The following PTCHD4 variants were observed in gnomAD, a reference collection of about 807,000 sequenced individuals.
The protein encoded by PTCHD4 is patched domain containing 4.
Under a neutral mutation model 58.1 loss-of-function variants are expected in PTCHD4, and 33 were observed. The ratio of observed to expected loss-of-function variants is 0.57; its 90% CI spans 0.43 to 0.76. PTCHD4 has a LOEUF of 0.76. Ranked by LOEUF, PTCHD4 falls within the 30% of genes least tolerant of loss-of-function variation. The pLI is 0.00. For missense variants in PTCHD4, 1,058 were observed against 1,027.1 expected, an observed-to-expected ratio of 1.03 and a Z score of -0.41; for synonymous variants, 478 against 409.6, an observed-to-expected ratio of 1.17 and a Z score of -2.02.
At chr6:48,098,897 A>T (rs1765535402) in intron 1 of PTCHD4, among the ~76,000 whole-genome samples, 1 of 152,194 alleles carries the variant, frequency 6.6e-6, no homozygotes, top group Admixed American at 6.5e-5. Flanking sequence ...TATACCAAAA[A>T]AGGGGCCATT....
chr6:48,040,208 C>T (rs1413976554), intron 3 of PTCHD4, among the ~76,000 whole-genome samples: 1 of 152,108 alleles, frequency 6.6e-6, no homozygotes, highest in Non-Finnish European at 1.5e-5. Flanking sequence ...GTTGGTCTAT[C>T]AATCCAAGGA....
intron 3 of PTCHD4, among the ~76,000 whole-genome samples, chr6:48,060,461 T>G (rs756781260): frequency 2.0e-5 from 3 of 152,300 alleles, no homozygotes; most frequent in East Asian, 3.9e-4. Flanking sequence ...CCAGAACCTA[T>G]GCTCTGTCTT....
At chr6:48,028,155 C>A (rs1210036031) in intron 3 of PTCHD4, among the ~76,000 whole-genome samples, 2 of 151,978 alleles carry the variant, frequency 1.3e-5, no homozygotes, top group Non-Finnish European at 2.9e-5. Context: ...GTTGGCCAGC[C>A]TGGTCTCGAA....
intron 1 of PTCHD4, among the ~76,000 whole-genome samples, chr6:48,097,085 C>A (rs184906694): frequency 3.3e-5 from 5 of 152,016 alleles, no homozygotes; most frequent in African/African-American, 1.2e-4. Context: ...TTAATATTAA[C>A]GTATTACCAT....
At chr6:47,892,105 A>G (rs186302151) in intron 4 of PTCHD4, among the ~76,000 whole-genome samples, 15 of 152,304 alleles carry the variant, frequency 9.8e-5, no homozygotes, top group Admixed American at 2.6e-4. Context: ...AGATGATAAC[A>G]TGAATATTAA....
intron 4 of PTCHD4, among the ~76,000 whole-genome samples, chr6:47,894,230 T>C (rs1290511516): frequency 6.6e-6 from 1 of 152,266 alleles, no homozygotes; most frequent in Non-Finnish European, 1.5e-5. Context: ...CACAGTTTGC[T>C]GCAATCAGTC....
chr6:47,903,553 G>A (rs778653292), intron 4 of PTCHD4, among the ~76,000 whole-genome samples: 19 of 152,098 alleles, frequency 1.2e-4, no homozygotes, highest in Admixed American at 7.2e-4. Flanking sequence ...GGGCCCAAGC[G>A]ATCTGGCTGC....
At chr6:48,034,099 T>C (rs899806386) in intron 3 of PTCHD4, among the ~76,000 whole-genome samples, 2 of 152,018 alleles carry the variant, frequency 1.3e-5, no homozygotes, top group African/African-American at 4.8e-5. Flanking sequence ...AAGGATCCCT[T>C]AAAGAATTAT....
chr6:48,005,088 G>A (rs1762384205), intron 4 of PTCHD4, among the ~76,000 whole-genome samples: 1 of 152,012 alleles, frequency 6.6e-6, no homozygotes, highest in South Asian at 2.1e-4. Context: ...ATTGTCACTG[G>A]CTTAAAAAAT....
chr6:48,048,575 C>T (rs990244991), intron 3 of PTCHD4, among the ~76,000 whole-genome samples: 3 of 151,838 alleles, frequency 2.0e-5, no homozygotes, highest in Non-Finnish European at 2.9e-5. Context: ...TGGAGGATGG[C>T]CTCTGTGATT....
intron 4 of PTCHD4, among the ~76,000 whole-genome samples, chr6:47,942,379 T>C (rs1766264992): frequency 2.0e-5 from 3 of 152,268 alleles, no homozygotes; most frequent in Admixed American, 6.5e-5. Flanking sequence ...CATGAGTATG[T>C]AAGGGTTGTC....
At position 48,043,814 on chromosome 6, in the gene PTCHD4, G is replaced by A. The variant is rs549776333; in HGVS notation, c.417+24416C>T. 5.9e-5 allele frequency among the ~76,000 whole-genome samples: 9 copies of A among 151,952 alleles called. No homozygotes were observed. The East Asian group carries it at 1.7e-3, about 29-fold the overall frequency. ...CTGGAGGGGATAAAGCTTATCAGATGCACTGTAAAAGTTATACAGAATTCT... is the reference window on the plus strand; with the variant it reads ...CTGGAGGGGATAAAGCTTATCAGATACACTGTAAAAGTTATACAGAATTCT... On this transcript the variant is annotated intron_variant, in intron 3 of 4. Coordinates refer to ENST00000339488, the MANE Select transcript of PTCHD4 (RefSeq NM_001384253.1).
intron 4 of PTCHD4, among the ~76,000 whole-genome samples, chr6:47,971,026 C>T (rs1010562440): frequency 6.6e-6 from 1 of 152,190 alleles, no homozygotes; most frequent in African/African-American, 2.4e-5. Context: ...ACCATGAAGG[C>T]TGCCAGCCAG....
At chr6:48,096,420 T>G (rs1032826968) in intron 1 of PTCHD4, among the ~76,000 whole-genome samples, 1 of 152,056 alleles carries the variant, frequency 6.6e-6, no homozygotes, top group Non-Finnish European at 1.5e-5. Flanking sequence ...AAGACCAGCC[T>G]GGACGAAATG....
chr6:47,926,731 A>G (rs541508537), intron 4 of PTCHD4, among the ~76,000 whole-genome samples: 1 of 152,326 alleles, frequency 6.6e-6, no homozygotes, highest in South Asian at 2.1e-4. Flanking sequence ...TTTCAGCTAC[A>G]TTACTAATAA....
chr6:47,961,026 C>T, intron 4 of PTCHD4, among the ~76,000 whole-genome samples: 1 of 146,348 alleles, frequency 6.8e-6, no homozygotes, highest in East Asian at 2.0e-4. Context: ...TGTTAGCTTA[C>T]ATTTATGGAG....
chr6:47,945,960 T>G (rs1018014608), intron 4 of PTCHD4, among the ~76,000 whole-genome samples: 12 of 151,874 alleles, frequency 7.9e-5, no homozygotes, highest in Non-Finnish European at 1.2e-4. Context: ...CTTTAAAAAT[T>G]TAATTATAAA....
At chr6:48,075,489 C>A (rs1765047204) in intron 1 of PTCHD4, among the ~76,000 whole-genome samples, 1 of 150,664 alleles carries the variant, frequency 6.6e-6, no homozygotes, top group Admixed American at 6.6e-5. Context: ...ACTGCTTAAC[C>A]ACTATATCAC....
At chr6:48,108,134 A>G (rs1027008108) in intron 1 of PTCHD4, among the ~76,000 whole-genome samples, 15 of 152,264 alleles carry the variant, frequency 9.9e-5, no homozygotes, top group African/African-American at 3.6e-4. Context: ...TCATGCTGCT[A>G]TAAATACACA....
Sources: gnomAD v4.1 joint callset for allele counts (sites outside exome capture counted in the v4.1 genomes callset) on GRCh38, gnomAD v4.1.1 for gene constraint, MANE v1.5 for transcripts, NCBI Gene and HGNC (gene_info 2026-07-23, HGNC 2026-07-21) for gene names.